Variants in LANCL1 observed in about 807,000 individuals in gnomAD.
The protein encoded by LANCL1 is glutathione S-transferase LANCL1.
In LANCL1, 50 loss-of-function variants were observed where a neutral mutation model predicts 50.6. The ratio of observed to expected loss-of-function variants is 0.99; its 90% CI spans 0.79 to 1.25. The LOEUF (loss-of-function observed/expected upper bound fraction) is 1.25. LANCL1 is among the 50% of genes most tolerant of loss of function. The pLI is 0.00. For missense variants in LANCL1, 532 were observed against 480.7 expected, an observed-to-expected ratio of 1.11 and a Z score of -1.00; for synonymous variants, 188 against 178.6, an observed-to-expected ratio of 1.05 and a Z score of -0.42.
At position 210,476,748 on chromosome 2, in the gene LANCL1, G is replaced by T. The variant is rs1694396975; in HGVS notation, c.-145C>A. 9.5e-7 allele frequency: 1 copy of T among 1,054,964 alleles called. No individual in the cohort carries two copies. The allele number at this position is 1,054,964 out of a possible 1,614,324, so 65.4% of individuals were successfully genotyped here. On this transcript the variant is annotated 5_prime_UTR_variant, in exon 1 of 10. Transcript: ENST00000450366. ...CCGCAGCCCCGGACAGTAACAGAAG[G>T]GCTATTTTACCGCCCAGTTCCTGCC...
At chr2:210,441,894 AAT>A (rs1693147871) in intron 4 of LANCL1, among the ~76,000 whole-genome samples, 1 of 149,418 alleles carries the variant, frequency 6.7e-6, no homozygotes, top group South Asian at 2.1e-4. Flanking sequence ...TATCACAGTC[AAT>A]AATACATGTA....
intron 4 of LANCL1, among the ~76,000 whole-genome samples, chr2:210,454,154 T>C (rs1233660018): frequency 6.6e-6 from 1 of 151,220 alleles, no homozygotes; most frequent in Non-Finnish European, 1.5e-5. Context: ...GTGGAAAAAG[T>C]TAGTTACAAT....
chr2:210,465,283 A>G (rs1037003852), intron 3 of LANCL1, among the ~76,000 whole-genome samples: 1 of 152,250 alleles, frequency 6.6e-6, no homozygotes, highest in African/African-American at 2.4e-5. Context: ...TTTTAGTGCA[A>G]TATTGTAAAC....
chr2:210,454,841 CAT>C (rs1350332369), intron 4 of LANCL1, among the ~76,000 whole-genome samples: 2 of 152,150 alleles, frequency 1.3e-5, no homozygotes, highest in African/African-American at 4.8e-5. Context: ...GATTAGTAAT[CAT>C]ATGTTAAGGC....
chr2:210,446,058 G>A (rs928548948), intron 4 of LANCL1, among the ~76,000 whole-genome samples: 1 of 152,154 alleles, frequency 6.6e-6, no homozygotes, highest in Non-Finnish European at 1.5e-5. Context: ...ACATTCCTGC[G>A]TGCCGGCTCT....
rs1339745036 is a variant in LANCL1 at position 210,431,696 on chromosome 2, G to T, written c.*2791C>A. The T allele has an allele frequency of 6.6e-6, 1 of 152,082 alleles. No homozygotes were observed. The highest frequency in any genetic ancestry group is 1.5e-5 in the Non-Finnish European group (1 of 68,024). 9.4% of individuals were successfully genotyped at this position (152,082 alleles called of 1,614,324 possible). On this transcript the variant is annotated 3_prime_UTR_variant, in exon 10 of 10. Transcript: ENST00000450366. ...AATGTTAATAAAGAAAGTAACCCTA[G>T]ATCCACTTTTACCTAAAACTCTACC...
chr2:210,455,107 C>G lies in LANCL1; in HGVS notation c.407G>C (p.Arg136Pro), dbSNP rs751003796. The G allele has an allele frequency of 6.2e-7, 1 of 1,610,194 alleles. No individual in the cohort carries two copies. ...NEKQAEDCITRLIHLNKIDPH... is the reference protein window; with the variant it reads ...NEKQAEDCITPLIHLNKIDPH... Reference sequence around the variant, plus strand: ...AATCCTCATATAGAAACATGATTACCGTGTGATGCAATCTTCTGCCTGCTT... The same window carrying G: ...AATCCTCATATAGAAACATGATTACGGTGTGATGCAATCTTCTGCCTGCTT... The change falls in exon 4 of 10, where the codon CGG becomes CCG. Residue 136 changes from arginine to proline, a missense_variant and splice_region_variant. Physicochemically the swap from Arg to Pro is moderately radical, Grantham distance 103 (BLOSUM62 -2). Coordinates refer to ENST00000450366, the MANE Select transcript of LANCL1 (RefSeq NM_006055.3).
chr2:210,434,955 C>T (rs1473982796), intron 9 of LANCL1, among the ~76,000 whole-genome samples: 1 of 152,112 alleles, frequency 6.6e-6, no homozygotes, highest in Non-Finnish European at 1.5e-5. Flanking sequence ...TGCAGTTCAA[C>T]ATTAGAAGAG....
At chr2:210,475,408 A>G (rs1044504241) in intron 2 of LANCL1, among the ~76,000 whole-genome samples, 1 of 152,064 alleles carries the variant, frequency 6.6e-6, no homozygotes, top group Non-Finnish European at 1.5e-5. Context: ...ATAGCTCACT[A>G]CAGCCTCGAA....
chr2:210,472,111 G>A (rs754623374), intron 2 of LANCL1, 35 bp from the exon 3 acceptor site: 1 of 1,411,194 alleles, frequency 7.1e-7, no homozygotes, highest in South Asian at 1.1e-5. Context: ...TCAAAATAAT[G>A]TGGGTCACCC....
chr2:210,449,743 A>G (rs1392122848), intron 4 of LANCL1, among the ~76,000 whole-genome samples: 2 of 152,232 alleles, frequency 1.3e-5, no homozygotes, highest in Non-Finnish European at 2.9e-5. Context: ...CCCATTCACA[A>G]TTGTTACAAA....
intron 4 of LANCL1, among the ~76,000 whole-genome samples, chr2:210,448,533 A>T (rs1693417335): frequency 6.6e-6 from 1 of 152,124 alleles, no homozygotes; most frequent in Non-Finnish European, 1.5e-5. Context: ...AAGACATGAA[A>T]AACCCTTCAA....
At chr2:210,454,972 C>T in intron 4 of LANCL1, 135 bp downstream of exon 4, 1 of 691,144 alleles carries the variant, frequency 1.4e-6, no homozygotes, top group Admixed American at 2.8e-5. Flanking sequence ...AGGAATATGA[C>T]AATTGATCAA....
chr2:210,454,730 C>A (rs1693613230), intron 4 of LANCL1, among the ~76,000 whole-genome samples: 2 of 152,144 alleles, frequency 1.3e-5, no homozygotes, highest in African/African-American at 4.8e-5. Context: ...CTAAGAAAGG[C>A]CGTTTTGAAT....
Position 210,434,263 on chromosome 2 carries a change from A to G in LANCL1, c.*224T>C, listed in dbSNP as rs149912202. The G allele has an allele frequency of 1.3e-3, 608 of 478,634 alleles. 4 individuals are homozygous for G. Among genetic ancestry groups the G allele is most frequent in the African/African-American group, 0.01 (520 of 51,238 alleles). 29.6% of individuals were successfully genotyped at this position (478,634 alleles called of 1,614,324 possible). A position where few individuals can be genotyped will look rare whatever the true frequency, so the allele number is the denominator to read the frequency against. ...TGTACATATCACTCACTCTCCCTTT[A>G]GGAAGAAATGGAAATTAAAGTTAAA... On this transcript the variant is annotated 3_prime_UTR_variant, in exon 10 of 10. Coordinates refer to ENST00000450366, the MANE Select transcript of LANCL1 (RefSeq NM_006055.3).
chr2:210,450,194 C>G (rs957606106), intron 4 of LANCL1, among the ~76,000 whole-genome samples: 1 of 151,942 alleles, frequency 6.6e-6, no homozygotes, highest in Non-Finnish European at 1.5e-5. Context: ...ACACCACACA[C>G]GTACAGCCAT....
chr2:210,451,711 C>T (rs1306457889), intron 4 of LANCL1, among the ~76,000 whole-genome samples: 1 of 152,182 alleles, frequency 6.6e-6, no homozygotes, highest in Non-Finnish European at 1.5e-5. Context: ...CCAAAGCCCC[C>T]ATAGCACTCA....
chr2:210,450,516 C>T (rs1208475286), intron 4 of LANCL1, among the ~76,000 whole-genome samples: 2 of 152,126 alleles, frequency 1.3e-5, no homozygotes, highest in Non-Finnish European at 2.9e-5. Context: ...AACTAAAGAG[C>T]TTCTGAATAT....
At chr2:210,470,771 A>G (rs1574444554) in intron 3 of LANCL1, among the ~76,000 whole-genome samples, 1 of 152,322 alleles carries the variant, frequency 6.6e-6, no homozygotes, top group East Asian at 1.9e-4. Flanking sequence ...CTGCATCAGG[A>G]CCACTGATGG....
Sources: gnomAD v4.1 joint callset for allele counts (sites outside exome capture counted in the v4.1 genomes callset) on GRCh38, gnomAD v4.1.1 for gene constraint, MANE v1.5 for transcripts, NCBI Gene and HGNC (gene_info 2026-07-23, HGNC 2026-07-21) for gene names.